ATM: variants seen among roughly 807,000 people sequenced by gnomAD.
The protein encoded by ATM is ATM serine/threonine kinase.
Under a neutral mutation model 387.0 loss-of-function variants are expected in ATM, and 308 were observed. The observed-to-expected ratio is 0.80, with a 90% CI of 0.73 to 0.87. The LOEUF (loss-of-function observed/expected upper bound fraction) is 0.87, where lower values mean the gene tolerates loss of function less well. ATM is among the 40% of genes least tolerant of loss of function. ATM has a pLI of 0.00. For missense variants in ATM, 3,312 were observed against 3,560.9 expected (o/e 0.93, Z 1.78); for synonymous variants, 1,156 against 1,187.3 (o/e 0.97, Z 0.54).
chr11:108,249,505 T>C (rs2080024982), intron 9 of ATM, among the ~76,000 whole-genome samples: 1 of 152,226 alleles, frequency 6.6e-6, no homozygotes, highest in Non-Finnish European at 1.5e-5. Flanking sequence ...TTTGACCTTA[T>C]GCCATGATAA....
At chr11:108,252,152 C>A in intron 11 of ATM, 121 bp downstream of exon 11, 1 of 847,996 alleles carries the variant, frequency 1.2e-6, no homozygotes, top group Non-Finnish European at 1.8e-6. Context: ...CAGATCTAAC[C>A]TTAATTATTA....
chr11:108,261,348 G>A (rs1379648450), intron 16 of ATM, among the ~76,000 whole-genome samples: 2 of 152,192 alleles, frequency 1.3e-5, no homozygotes, highest in Non-Finnish European at 2.9e-5. Context: ...CAGCCTAACT[G>A]GGAGGCACCC....
chr11:108,315,764 C>T (rs2136113954), intron 40 of ATM, 59 bp from the exon 41 acceptor site: 1 of 1,385,750 alleles, frequency 7.2e-7, no homozygotes, highest in East Asian at 2.3e-5. Context: ...TTAAAATTTG[C>T]TAAATTTATA....
intron 16 of ATM, among the ~76,000 whole-genome samples, chr11:108,264,390 A>G (rs1404510721): frequency 6.6e-6 from 1 of 152,244 alleles, no homozygotes; most frequent in Non-Finnish European, 1.5e-5. Context: ...ACACATGATT[A>G]TCTCAATAGA....
intron 33 of ATM, among the ~76,000 whole-genome samples, chr11:108,298,880 T>G (rs912765188): frequency 2.0e-5 from 3 of 152,230 alleles, no homozygotes; most frequent in Non-Finnish European, 2.9e-5. Flanking sequence ...TAGTGGTGTT[T>G]GTATATACTA....
At chr11:108,349,646 G>A (rs1375066994) in intron 59 of ATM, among the ~76,000 whole-genome samples, 1 of 152,102 alleles carries the variant, frequency 6.6e-6, no homozygotes, top group Non-Finnish European at 1.5e-5. Context: ...CTGGGCGGCA[G>A]AGCAAGACTG....
intron 16 of ATM, among the ~76,000 whole-genome samples, chr11:108,260,919 T>G (rs594153): frequency 0.63 from 96,366 of 152,036 alleles, 30,969 homozygotes; most frequent in Middle Eastern, 0.76. Flanking sequence ...CGAATACTGC[T>G]CTTTTGCGAC....
intron 23 of ATM, among the ~76,000 whole-genome samples, chr11:108,280,220 G>A: frequency 1.3e-5 from 2 of 152,174 alleles, no homozygotes; most frequent in South Asian, 4.1e-4. Flanking sequence ...AAAGATAAGT[G>A]TAAATAACAT....
intron 5 of ATM, among the ~76,000 whole-genome samples, chr11:108,243,106 T>C (rs548038790): frequency 2.6e-5 from 4 of 151,960 alleles, no homozygotes; most frequent in Non-Finnish European, 5.9e-5. Context: ...TAGACCCAGC[T>C]ACTTGGGAGG....
intron 22 of ATM, among the ~76,000 whole-genome samples, chr11:108,278,395 G>A (rs1460167027): frequency 6.6e-6 from 1 of 152,112 alleles, no homozygotes; most frequent in East Asian, 1.9e-4. Flanking sequence ...TAATAAGGCG[G>A]CAGTGTAGTG....
At chr11:108,344,541 GC>G (rs2088045128) in intron 57 of ATM, among the ~76,000 whole-genome samples, 1 of 152,116 alleles carries the variant, frequency 6.6e-6, no homozygotes, top group Non-Finnish European at 1.5e-5. Context: ...TATCAGACTT[GC>G]ATTTTAGAAA....
chr11:108,240,261 C>A (rs1296836185), intron 5 of ATM, among the ~76,000 whole-genome samples: 1 of 152,094 alleles, frequency 6.6e-6, no homozygotes, highest in Non-Finnish European at 1.5e-5. Context: ...TTCACTATTA[C>A]AGAATCATAC....
At chr11:108,359,798 T>A (rs2090483799) in intron 61 of ATM, among the ~76,000 whole-genome samples, 1 of 149,824 alleles carries the variant, frequency 6.7e-6, no homozygotes. Context: ...TTCAAAGCAG[T>A]GTGTAGAGGG....
At chr11:108,349,951 G>C (rs1197454884) in intron 59 of ATM, among the ~76,000 whole-genome samples, 1 of 152,176 alleles carries the variant, frequency 6.6e-6, no homozygotes, top group Non-Finnish European at 1.5e-5. Context: ...TCTTAAGCTG[G>C]AGAGGAAGGA....
At position 108,271,048 on chromosome 11, in the gene ATM, C is replaced by T. The variant is rs761953913; in HGVS notation, c.2839-16C>T. ...TTTGTGGATAAACCTGATTTTTTTC[C>T]CTCCTACCATCTTAGTATCTAATGC... On this transcript the variant is annotated splice_polypyrimidine_tract_variant and intron_variant, in intron 18 of 62. Coordinates refer to ENST00000675843, the MANE Select transcript of ATM (RefSeq NM_000051.4). The T allele has an allele frequency of 5.6e-6, 9 of 1,606,750 alleles. No individual in the cohort carries two copies. The highest frequency in any genetic ancestry group is 7.7e-6 in the Non-Finnish European group (9 of 1,173,696).
At chr11:108,357,706 G>T (rs1385506044) in intron 61 of ATM, among the ~76,000 whole-genome samples, 1 of 152,036 alleles carries the variant, frequency 6.6e-6, no homozygotes, top group East Asian at 1.9e-4. Flanking sequence ...ACACGGCAGG[G>T]TACTCCAACA....
At chr11:108,328,705 CAAG>C (rs1400414211) in intron 48 of ATM, among the ~76,000 whole-genome samples, 14 of 152,116 alleles carry the variant, frequency 9.2e-5, no homozygotes, top group Admixed American at 7.2e-4. Context: ...GGCCACATTG[CAAG>C]AAGAATTGCC....
At chr11:108,308,028 TA>T (rs1481918603) in intron 38 of ATM, 44 bp downstream of exon 38, 1 of 1,518,104 alleles carries the variant, frequency 6.6e-7, no homozygotes, top group Non-Finnish European at 9.1e-7. Flanking sequence ...ATCTAGAGTG[TA>T]ACTTGTTAAC....
chr11:108,334,834 G>A (rs1565540307), intron 54 of ATM, 135 bp from the exon 55 acceptor site: 2 of 1,047,128 alleles, frequency 1.9e-6, no homozygotes, highest in South Asian at 1.5e-5. Context: ...CCGGCCTAAA[G>A]TTGTAGTTCT....
Sources: allele counts gnomAD v4.1 joint callset (sites outside exome capture counted in the v4.1 genomes callset), GRCh38; gene constraint gnomAD v4.1.1; transcripts MANE v1.5; gene names NCBI Gene and HGNC (gene_info 2026-07-23, HGNC 2026-07-21).